The following ATP11A variants were observed in gnomAD, a reference collection of about 807,000 sequenced individuals.
ATP11A encodes the protein phospholipid-transporting ATPase IH.
In ATP11A, 81 loss-of-function variants were observed where a neutral mutation model predicts 154.4. The observed-to-expected ratio is 0.52, with a 90% CI of 0.44 to 0.63. The LOEUF is 0.63. Ranked by LOEUF, ATP11A falls within the 30% of genes least tolerant of loss-of-function variation. The pLI is 0.00. For synonymous variants in ATP11A, 623 were observed against 585.9 expected (o/e 1.06, Z -0.91); for missense variants, 1,316 against 1,474.3 (o/e 0.89, Z 1.76).
At chr13:112,843,124 G>A (rs1355272319) in intron 17 of ATP11A, among the ~76,000 whole-genome samples, 1 of 152,072 alleles carries the variant, frequency 6.6e-6, no homozygotes, top group African/African-American at 2.4e-5. Context: ...ACGCATGGTT[G>A]GGTGGACGTG....
chr13:112,855,932 C>G lies in ATP11A; in HGVS notation c.2265C>G (p.Asp755Glu). 1.2e-6 allele frequency: 2 copies of G among 1,613,414 alleles called. No individual in the cohort carries two copies. Among genetic ancestry groups the G allele is most frequent in the Admixed American group, 1.7e-5 (1 of 59,906 alleles). The change falls in exon 20 of 30, where the codon GAC becomes GAG. Residue 755 changes from aspartate (D) to glutamate (E), a missense_variant. Transcript: ENST00000375645. ...NLSGLSADMQ[D>E]YGLIIDGAAL... ...ACAGACTTTCAGCAGATATGCAGGA[C>G]TACGGTTTAATTATCGACGGAGCTG... is the stretch of plus-strand genomic sequence containing the variant.
chr13:112,707,243 T>C (rs149653695), intron 1 of ATP11A, among the ~76,000 whole-genome samples: 1,932 of 152,088 alleles, frequency 0.013, 59 homozygotes, highest in African/African-American at 0.044. Context: ...TGGTGAAACC[T>C]TGTCTCTACC....
intron 20 of ATP11A, 198 bp downstream of exon 20, chr13:112,856,283 G>A: frequency 1.9e-6 from 1 of 531,678 alleles, no homozygotes; most frequent in South Asian, 2.5e-5. Flanking sequence ...AGTGGGTGAT[G>A]ACCAGTCAGA....
chr13:112,880,813 C>A (rs535203351), intron 29 of ATP11A: 3 of 985,344 alleles, frequency 3.0e-6, no homozygotes, highest in African/African-American at 3.5e-5. Flanking sequence ...GTAAGTAACA[C>A]GCCTGAGGGC....
chr13:112,823,490 C>T (rs973306457), intron 9 of ATP11A, 81 bp downstream of exon 9: 24 of 1,195,932 alleles, frequency 2.0e-5, no homozygotes, highest in East Asian at 1.8e-4. Context: ...CAGCGGAACC[C>T]GAGAGCGTTT....
At chr13:112,830,987 G>T (rs1040112574) in intron 12 of ATP11A, among the ~76,000 whole-genome samples, 5 of 152,072 alleles carry the variant, frequency 3.3e-5, no homozygotes, top group African/African-American at 1.2e-4. Flanking sequence ...TATTGTTGTT[G>T]TTAAGATTCG....
intron 25 of ATP11A, among the ~76,000 whole-genome samples, chr13:112,862,841 T>C (rs866264835): frequency 0.035 from 2,305 of 66,628 alleles, 72 homozygotes; most frequent in African/African-American, 0.1. Context: ...GCCCATGCAG[T>C]TTCCCAGCGG....
intron 28 of ATP11A, among the ~76,000 whole-genome samples, chr13:112,876,591 C>G (rs4907468): frequency 6.6e-6 from 1 of 152,010 alleles, no homozygotes; most frequent in African/African-American, 2.4e-5. Context: ...GCACCTGTCA[C>G]GGTCCCTCAG....
chr13:112,723,617 C>T (rs1002128712), intron 1 of ATP11A, among the ~76,000 whole-genome samples: 8 of 151,656 alleles, frequency 5.3e-5, no homozygotes, highest in African/African-American at 1.9e-4. Flanking sequence ...GATGTTAATG[C>T]TGGTCAGTTG....
chr13:112,881,416 C>G (rs563055680), intron 29 of ATP11A: 472 of 1,042,012 alleles, frequency 4.5e-4, no homozygotes, highest in South Asian at 2.5e-3. Context: ...GCAGTGAGTT[C>G]GCCTTTTGTT....
At chr13:112,738,632 C>G (rs1396702231) in intron 1 of ATP11A, among the ~76,000 whole-genome samples, 1 of 152,204 alleles carries the variant, frequency 6.6e-6, no homozygotes, top group Non-Finnish European at 1.5e-5. Flanking sequence ...CAGGAGCTTT[C>G]TGTGCTGGCC....
chr13:112,878,655 C>T (rs1423962385), intron 29 of ATP11A, among the ~76,000 whole-genome samples: 1 of 152,190 alleles, frequency 6.6e-6, no homozygotes, highest in Non-Finnish European at 1.5e-5. Context: ...TGAGAGTTTG[C>T]AATTCACAGG....
intron 4 of ATP11A, 125 bp downstream of exon 4, chr13:112,806,418 T>A (rs2078323973): frequency 1.4e-6 from 1 of 718,070 alleles, no homozygotes; most frequent in Admixed American, 2.5e-5. Flanking sequence ...GTTCTAGAAA[T>A]TCATTTTTAT....
intron 2 of ATP11A, among the ~76,000 whole-genome samples, chr13:112,796,353 C>T (rs1353992412): frequency 6.6e-6 from 1 of 152,126 alleles, no homozygotes; most frequent in Non-Finnish European, 1.5e-5. Flanking sequence ...TCAAGATTGC[C>T]AAACAGCTGA....
chr13:112,818,894 G>A (rs1594788600), intron 6 of ATP11A, among the ~76,000 whole-genome samples: 1 of 152,344 alleles, frequency 6.6e-6, no homozygotes, highest in East Asian at 1.9e-4. Context: ...ACGGGCACAG[G>A]CAGGTTGTTG....
chr13:112,843,076 G>A (rs563873575), intron 17 of ATP11A, among the ~76,000 whole-genome samples: 7 of 152,226 alleles, frequency 4.6e-5, no homozygotes, highest in African/African-American at 1.7e-4. Flanking sequence ...TGGCTGGGTG[G>A]ACATGCTCCC....
chr13:112,818,170 C>T (rs1445385887), intron 6 of ATP11A, among the ~76,000 whole-genome samples: 6 of 149,806 alleles, frequency 4.0e-5, no homozygotes, highest in Non-Finnish European at 8.9e-5. Flanking sequence ...CGCTTGGTGA[C>T]AGGGCGGTGA....
intron 1 of ATP11A, among the ~76,000 whole-genome samples, chr13:112,751,165 C>T (rs1355617026): frequency 6.6e-6 from 1 of 152,180 alleles, no homozygotes; most frequent in Non-Finnish European, 1.5e-5. Context: ...GGTGTAAGCG[C>T]GTCTTCGTGT....
rs376494302 is a variant in ATP11A, at chr13:112,833,854, C to T, written c.1560-735C>T. 2.6e-5 allele frequency among the ~76,000 whole-genome samples: 4 copies of T among 152,312 alleles called. No homozygotes were observed. The East Asian group carries it at 7.7e-4, about 29-fold the overall frequency. On this transcript the variant is annotated intron_variant, in intron 14 of 29. Transcript: ENST00000375645. ...TGCCTTCATCACAGGTGTTAGAAGT[C>T]AGGGCAGGCTACCCCGCCCACCTTT...
Sources: allele counts gnomAD v4.1 joint callset (sites outside exome capture counted in the v4.1 genomes callset), GRCh38; gene constraint gnomAD v4.1.1; transcripts MANE v1.5; gene names NCBI Gene and HGNC (gene_info 2026-07-23, HGNC 2026-07-21).